The following DLG2 variants were observed in gnomAD, a reference collection of about 807,000 sequenced individuals.
DLG2 encodes the protein disks large homolog 2.
Under a neutral mutation model 132.5 loss-of-function variants are expected in DLG2, and 45 were observed. The observed-to-expected ratio is 0.34, with a 90% CI of 0.27 to 0.44. The LOEUF is 0.44. DLG2 is among the 20% of genes least tolerant of loss of function. DLG2 has a pLI of 1.00. For synonymous variants in DLG2, 424 were observed against 419.6 expected, an observed-to-expected ratio of 1.01 and a Z score of -0.13; for missense variants, 1,045 against 1,196.9, an observed-to-expected ratio of 0.87 and a Z score of 1.87.
intron 7 of DLG2, among the ~76,000 whole-genome samples, chr11:84,363,360 G>T (rs1431863760): frequency 5.9e-4 from 89 of 151,100 alleles, no homozygotes; most frequent in East Asian, 3.9e-4. Context: ...TGGGGTTGTT[G>T]GTTTTTTTCT....
rs190814872 is a variant in DLG2 at position 83,890,170 on chromosome 11, T to C, written c.1497-15682A>G. Among the ~76,000 whole-genome samples the C allele has an allele frequency of 1.6e-4, 25 of 152,198 alleles. No homozygotes were observed. The East Asian group carries it at 4.0e-3, about 25-fold the overall frequency. ...AGAGAGGTACTACAAAAAGCACCAATTGGAAAATTAGAAATGGGAAGATTT... is the reference window on the plus strand; with the variant it reads ...AGAGAGGTACTACAAAAAGCACCAACTGGAAAATTAGAAATGGGAAGATTT... On this transcript the variant is annotated intron_variant, in intron 15 of 27. Transcript: ENST00000376104.
chr11:83,631,129 C>A (rs2063471595), intron 19 of DLG2: 1 of 144,898 alleles, frequency 6.9e-6, no homozygotes, highest in African/African-American at 2.6e-5. Context: ...CTTGTTGAAT[C>A]CTTTTTGGTA....
chr11:85,005,397 T>A (rs1355932217), intron 6 of DLG2, among the ~76,000 whole-genome samples: 1 of 152,226 alleles, frequency 6.6e-6, no homozygotes, highest in Non-Finnish European at 1.5e-5. Context: ...TCCTCTCTTA[T>A]TTCCTTGAGC....
intron 16 of DLG2, among the ~76,000 whole-genome samples, chr11:83,866,360 G>T (rs1293180616): frequency 6.6e-6 from 1 of 152,108 alleles, no homozygotes; most frequent in African/African-American, 2.4e-5. Context: ...GATAGTTTAA[G>T]CAACTAAATC....
intron 4 of DLG2, among the ~76,000 whole-genome samples, chr11:85,254,301 T>A (rs139289652): frequency 7.6e-4 from 116 of 152,370 alleles, no homozygotes; most frequent in African/African-American, 2.6e-3. Flanking sequence ...GGAAGACATC[T>A]ACAATCTATT....
intron 16 of DLG2, among the ~76,000 whole-genome samples, chr11:83,865,396 T>C (rs1217133343): frequency 1.3e-5 from 2 of 151,808 alleles, no homozygotes; most frequent in Non-Finnish European, 1.5e-5. Context: ...GTCCCTGAGA[T>C]GCCTTTGTAA....
intron 14 of DLG2, among the ~76,000 whole-genome samples, chr11:83,958,816 T>C (rs1374268357): frequency 6.6e-6 from 1 of 152,094 alleles, no homozygotes; most frequent in Non-Finnish European, 1.5e-5. Context: ...GCTACTTTCT[T>C]ACTCCAGCCA....
chr11:83,934,796 C>T (rs59236932), intron 14 of DLG2, among the ~76,000 whole-genome samples: 3,117 of 152,208 alleles, frequency 0.02, 97 homozygotes, highest in African/African-American at 0.071. Flanking sequence ...AGGACCAAAT[C>T]TCATGTGTCT....
At chr11:83,954,334 A>G (rs1007866252) in intron 14 of DLG2, among the ~76,000 whole-genome samples, 4 of 152,170 alleles carry the variant, frequency 2.6e-5, no homozygotes, top group Non-Finnish European at 2.9e-5. Context: ...CATGGTTTAT[A>G]TAAGTAAACC....
intron 6 of DLG2, among the ~76,000 whole-genome samples, chr11:84,700,013 T>A (rs1215442685): frequency 1.3e-5 from 2 of 151,562 alleles, no homozygotes; most frequent in Non-Finnish European, 3.0e-5. Context: ...CTACCTAATA[T>A]GCCAATATGA....
chr11:85,453,244 TA>T, intron 3 of DLG2: 1 of 360,360 alleles, frequency 2.8e-6, no homozygotes. Flanking sequence ...CCAGTGTTAG[TA>T]AACACTTGTG....
chr11:85,139,865 T>A (rs943002045), intron 5 of DLG2, among the ~76,000 whole-genome samples: 1 of 152,076 alleles, frequency 6.6e-6, no homozygotes, highest in Non-Finnish European at 1.5e-5. Context: ...TATGTGTATA[T>A]GTATACACAC....
At chr11:84,135,802 A>G (rs1183301914) in intron 9 of DLG2, among the ~76,000 whole-genome samples, 1 of 152,176 alleles carries the variant, frequency 6.6e-6, no homozygotes, top group Non-Finnish European at 1.5e-5. Flanking sequence ...CAGTGGGAGC[A>G]TAATGAGTAT....
chr11:83,827,848 T>A (rs12803183), intron 17 of DLG2, among the ~76,000 whole-genome samples: 68,541 of 151,974 alleles, frequency 0.45, 15,631 homozygotes, highest in Middle Eastern at 0.62. Context: ...GCATGCTGAA[T>A]GCCCTAAATT....
intron 8 of DLG2, among the ~76,000 whole-genome samples, chr11:84,249,409 G>A (rs911176794): frequency 5.9e-5 from 9 of 152,142 alleles, no homozygotes; most frequent in Admixed American, 5.2e-4. Context: ...AAGAAACACA[G>A]GTAACAGCAT....
chr11:83,832,635 G>A (rs2054886689), intron 17 of DLG2, among the ~76,000 whole-genome samples: 1 of 152,088 alleles, frequency 6.6e-6, no homozygotes. Flanking sequence ...GGAAATGATT[G>A]AAAAACTACT....
At chr11:84,350,626 A>T (rs2154411774) in intron 7 of DLG2, among the ~76,000 whole-genome samples, 1 of 152,354 alleles carries the variant, frequency 6.6e-6, no homozygotes, top group Middle Eastern at 3.4e-3. Flanking sequence ...TTTAGCATAT[A>T]GTTATACAGT....
chr11:84,523,342 TAGACAC>T (rs2099310302), intron 7 of DLG2, among the ~76,000 whole-genome samples: 1 of 152,178 alleles, frequency 6.6e-6, no homozygotes, highest in African/African-American at 2.4e-5. Flanking sequence ...GATTTACTAA[TAGACAC>T]AGCTAGAAAG....
intron 19 of DLG2, among the ~76,000 whole-genome samples, chr11:83,563,658 G>A (rs139600820): frequency 6.6e-6 from 1 of 152,256 alleles, no homozygotes; most frequent in Non-Finnish European, 1.5e-5. Flanking sequence ...GTTCTCAAGA[G>A]AGAATTCAAG....
Sources: gnomAD v4.1 joint callset for allele counts (sites outside exome capture counted in the v4.1 genomes callset) on GRCh38, gnomAD v4.1.1 for gene constraint, MANE v1.5 for transcripts, NCBI Gene and HGNC (gene_info 2026-07-23, HGNC 2026-07-21) for gene names.